The following ERC2 variants were observed in gnomAD, a reference collection of about 807,000 sequenced individuals.
ERC2 encodes the protein ERC protein 2.
A neutral mutation model predicts 114.8 loss-of-function variants in ERC2; 42 were observed. The ratio of observed to expected loss-of-function variants is 0.37; its 90% confidence interval spans 0.29 to 0.47. ERC2 has a LOEUF of 0.47. Ranked by LOEUF, ERC2 falls within the 20% of genes least tolerant of loss-of-function variation. ERC2 has a pLI of 0.99. For synonymous variants in ERC2, 454 were observed against 425.5 expected (o/e 1.07, Z -0.82); for missense variants, 939 against 1,150.7 (o/e 0.82, Z 2.66).
chr3:55,784,087 A>G (rs1013950290), intron 14 of ERC2, among the ~76,000 whole-genome samples: 16 of 152,232 alleles, frequency 1.1e-4, no homozygotes, highest in African/African-American at 3.9e-4. Context: ...ACAGACAGAA[A>G]TGGGCTAAGG....
At chr3:55,809,620 C>A (rs2059638037) in intron 14 of ERC2, among the ~76,000 whole-genome samples, 1 of 151,974 alleles carries the variant, frequency 6.6e-6, no homozygotes, top group African/African-American at 2.4e-5. Context: ...AAATAATAAC[C>A]CCATTAAAAA....
At chr3:55,519,014 G>A (rs1287006466) in intron 17 of ERC2, among the ~76,000 whole-genome samples, 2 of 152,206 alleles carry the variant, frequency 1.3e-5, no homozygotes, top group African/African-American at 4.8e-5. Context: ...TGACATCAGA[G>A]ATGGGGGCTG....
chr3:56,012,912 T>G (rs1453566850), intron 8 of ERC2, among the ~76,000 whole-genome samples: 1 of 152,210 alleles, frequency 6.6e-6, no homozygotes, highest in Non-Finnish European at 1.5e-5. Context: ...TGGCAAGCAT[T>G]CCTTGTGCAC....
At chr3:56,463,543 A>G (rs959260209) in intron 1 of ERC2, among the ~76,000 whole-genome samples, 4 of 152,332 alleles carry the variant, frequency 2.6e-5, no homozygotes, top group East Asian at 1.9e-4. Flanking sequence ...GGAGAAAATG[A>G]ATGTTGGGTA....
At chr3:56,000,781 G>A (rs959444849) in intron 10 of ERC2, among the ~76,000 whole-genome samples, 1 of 151,856 alleles carries the variant, frequency 6.6e-6, no homozygotes, top group African/African-American at 2.4e-5. Flanking sequence ...AGGCAAGCAC[G>A]GTGGCACATG....
intron 3 of ERC2, among the ~76,000 whole-genome samples, chr3:56,211,108 T>A (rs1047631897): frequency 6.6e-6 from 1 of 152,016 alleles, no homozygotes; most frequent in Non-Finnish European, 1.5e-5. Flanking sequence ...AGAGCAATCA[T>A]ACAAGAGAAA....
At chr3:56,242,011 T>C (rs966989275) in intron 3 of ERC2, among the ~76,000 whole-genome samples, 2 of 152,194 alleles carry the variant, frequency 1.3e-5, no homozygotes, top group Non-Finnish European at 2.9e-5. Context: ...GTATTTATCA[T>C]CTGGCCGTTT....
intron 14 of ERC2, among the ~76,000 whole-genome samples, chr3:55,750,782 A>T (rs1199206228): frequency 6.6e-6 from 1 of 152,242 alleles, no homozygotes; most frequent in Non-Finnish European, 1.5e-5. Context: ...TTAAGTGCCA[A>T]CGGAAAGACT....
chr3:55,959,640 C>T (rs181038894), intron 12 of ERC2, among the ~76,000 whole-genome samples: 12 of 152,318 alleles, frequency 7.9e-5, no homozygotes, highest in East Asian at 1.9e-4. Flanking sequence ...GATTAACTAA[C>T]GAGCCTGGCT....
At chr3:56,219,475 C>A (rs578227889) in intron 3 of ERC2, among the ~76,000 whole-genome samples, 2 of 151,926 alleles carry the variant, frequency 1.3e-5, no homozygotes, top group African/African-American at 2.4e-5. Flanking sequence ...TGAACAAAAC[C>A]AATATGTATC....
chr3:56,438,540 T>C (rs1011174120), intron 1 of ERC2, among the ~76,000 whole-genome samples: 2 of 151,180 alleles, frequency 1.3e-5, no homozygotes, highest in Non-Finnish European at 3.0e-5. Flanking sequence ...TTTGGTAACA[T>C]AATAATGATA....
intron 2 of ERC2, among the ~76,000 whole-genome samples, chr3:56,350,074 C>G (rs886883080): frequency 2.6e-5 from 4 of 152,178 alleles, no homozygotes; most frequent in African/African-American, 9.6e-5. Flanking sequence ...GAAGAAATGT[C>G]TAGCCCAGAA....
chr3:55,779,327 CAAAAA>C (rs60185894), intron 14 of ERC2, among the ~76,000 whole-genome samples: 902 of 62,454 alleles, frequency 0.014, 5 homozygotes, highest in African/African-American at 0.024. Context: ...ACTAAAAATA[CAAAAA>C]AAAAAAAAAA....
intron 17 of ERC2, among the ~76,000 whole-genome samples, chr3:55,650,239 G>A (rs1486180769): frequency 1.3e-5 from 2 of 152,234 alleles, no homozygotes; most frequent in South Asian, 2.1e-4. Flanking sequence ...TTCATAGAGC[G>A]TTCCCTGCAA....
intron 13 of ERC2, among the ~76,000 whole-genome samples, chr3:55,932,053 T>G (rs545111755): frequency 6.6e-6 from 1 of 152,224 alleles, no homozygotes; most frequent in Non-Finnish European, 1.5e-5. Context: ...TCTCCTCCCA[T>G]GTTTTCATAA....
At chr3:56,254,627 A>C (rs1431861782) in intron 3 of ERC2, among the ~76,000 whole-genome samples, 1 of 152,340 alleles carries the variant, frequency 6.6e-6, no homozygotes, top group East Asian at 1.9e-4. Context: ...CTTATTATGT[A>C]TGTGTCAAGT....
chr3:56,100,055 T>C (rs1470481397), intron 6 of ERC2, among the ~76,000 whole-genome samples: 6 of 152,184 alleles, frequency 3.9e-5, no homozygotes, highest in Non-Finnish European at 8.8e-5. Context: ...GGAAATGCTC[T>C]TTCAGGAATT....
intron 14 of ERC2, among the ~76,000 whole-genome samples, chr3:55,860,539 A>G (rs1468234617): frequency 3.9e-5 from 6 of 152,114 alleles, no homozygotes. Context: ...CCCTCTAAAC[A>G]TTTACCAAGC....
intron 14 of ERC2, among the ~76,000 whole-genome samples, chr3:55,806,957 G>A (rs549066169): frequency 2.0e-5 from 3 of 152,268 alleles, no homozygotes; most frequent in South Asian, 2.1e-4. Flanking sequence ...GGAGCTAAAC[G>A]TGGAATTTGG....
Sources: allele counts gnomAD v4.1 joint callset (sites outside exome capture counted in the v4.1 genomes callset), GRCh38; gene constraint gnomAD v4.1.1; transcripts MANE v1.5; gene names NCBI Gene and HGNC (gene_info 2026-07-23, HGNC 2026-07-21).